Variants in SIL1 observed in about 807,000 individuals in gnomAD.
SIL1 encodes nucleotide exchange factor SIL1.
In SIL1, 40 loss-of-function variants were observed where a neutral mutation model predicts 49.1. That is an observed-to-expected ratio of 0.81 (90% CI 0.63 to 1.06). The LOEUF (loss-of-function observed/expected upper bound fraction) is 1.06, where lower values mean the gene tolerates loss of function less well. Among genes scored for constraint, SIL1 ranks in the 50% least tolerant of loss-of-function variants. SIL1 has a pLI of 0.00. For missense variants in SIL1, 500 were observed against 572.6 expected (o/e 0.87, Z 1.29); for synonymous variants, 253 against 250.8 (o/e 1.01, Z -0.08).
intron 3 of SIL1, among the ~76,000 whole-genome samples, chr5:139,064,175 A>G (rs1166437882): frequency 2.6e-5 from 4 of 152,178 alleles, no homozygotes; most frequent in African/African-American, 9.7e-5. Flanking sequence ...AGTATCAGCT[A>G]CTACTGACTT....
intron 7 of SIL1, among the ~76,000 whole-genome samples, chr5:139,010,303 T>G (rs1293387725): frequency 6.7e-6 from 1 of 149,688 alleles, no homozygotes; most frequent in Non-Finnish European, 1.5e-5. Flanking sequence ...AGCCTTGGTT[T>G]TCAGCTCCAT....
At chr5:138,998,852 C>CTTTTTTTTTTTTTTTTTTTTTTT (rs35074969) in intron 7 of SIL1, among the ~76,000 whole-genome samples, 1 of 98,806 alleles carries the variant, frequency 1.0e-5, no homozygotes, top group Non-Finnish European at 1.9e-5. Flanking sequence ...ATTATCTTTC[C>CTTTTTTTTTTTTTTTTTTTTTTT]TTTTTTTTTT....
chr5:139,150,706 T>C (rs758784469), intron 1 of SIL1, among the ~76,000 whole-genome samples: 1 of 152,186 alleles, frequency 6.6e-6, no homozygotes, highest in Non-Finnish European at 1.5e-5. Flanking sequence ...CTTCTTCGGT[T>C]GAAGAGAGGC....
At chr5:139,067,965 T>C (rs573670685) in intron 3 of SIL1, among the ~76,000 whole-genome samples, 16 of 152,354 alleles carry the variant, frequency 1.1e-4, no homozygotes, top group African/African-American at 3.6e-4. Flanking sequence ...AGTAGGGGAT[T>C]TGTTACACAA....
At chr5:139,020,171 G>A (rs1486375644) in intron 7 of SIL1, among the ~76,000 whole-genome samples, 1 of 152,198 alleles carries the variant, frequency 6.6e-6, no homozygotes, top group Non-Finnish European at 1.5e-5. Context: ...TCCAGGCAGA[G>A]TGGTGATAAC....
chr5:138,952,018 C>T (rs1452956405), intron 7 of SIL1, 134 bp from the exon 8 acceptor site: 1 of 806,930 alleles, frequency 1.2e-6, no homozygotes, highest in Non-Finnish European at 2.1e-6. Context: ...GCAAGTCAAA[C>T]TCAGCTGGGG....
chr5:139,071,494 T>A (rs931845816), intron 3 of SIL1, among the ~76,000 whole-genome samples: 2 of 152,124 alleles, frequency 1.3e-5, no homozygotes, highest in Non-Finnish European at 1.5e-5. Context: ...AAGCTACATA[T>A]TTTGTATAAT....
chr5:138,980,239 A>G (rs1182790338), intron 7 of SIL1, among the ~76,000 whole-genome samples: 1 of 151,820 alleles, frequency 6.6e-6, no homozygotes, highest in Non-Finnish European at 1.5e-5. Context: ...TGCCAAGAAC[A>G]ATGAAATAAG....
intron 1 of SIL1, among the ~76,000 whole-genome samples, chr5:139,155,681 C>T (rs765382454): frequency 1.3e-5 from 2 of 152,040 alleles, no homozygotes; most frequent in Non-Finnish European, 2.9e-5. Context: ...AGACCTGTTC[C>T]CCCAAAGACC....
intron 1 of SIL1, chr5:139,137,462 C>A: frequency 1.7e-6 from 1 of 603,198 alleles, no homozygotes; most frequent in Non-Finnish European, 3.0e-6. Flanking sequence ...CTGGACTCAT[C>A]ATTTTATTTG....
At chr5:138,983,473 A>G (rs1767578663) in intron 7 of SIL1, among the ~76,000 whole-genome samples, 1 of 151,116 alleles carries the variant, frequency 6.6e-6, no homozygotes. Context: ...GCGCCACTGC[A>G]CTCCAGCCTG....
intron 3 of SIL1, among the ~76,000 whole-genome samples, chr5:139,086,598 C>A (rs1056371234): frequency 1.3e-5 from 2 of 151,076 alleles, no homozygotes; most frequent in Non-Finnish European, 2.9e-5. Flanking sequence ...CTCAAGTGAT[C>A]CCCCTGCCTC....
At chr5:138,968,588 A>G (rs1472367259) in intron 7 of SIL1, among the ~76,000 whole-genome samples, 1 of 152,086 alleles carries the variant, frequency 6.6e-6, no homozygotes, top group Non-Finnish European at 1.5e-5. Flanking sequence ...GGCCCCTGCT[A>G]TGCATTCCTG....
At position 139,113,733 on chromosome 5, in the gene SIL1, G is replaced by A. The variant is rs76200464; in HGVS notation, c.244+7302C>T. ...CTTAACCGTGGAGATGCCCTGGGCT[G>A]TCTTGGCCAGTGGGGTGAGGCCAAT... On this transcript the variant is annotated intron_variant, in intron 3 of 9. Coordinates refer to ENST00000394817, the MANE Select transcript of SIL1 (RefSeq NM_022464.5). Among the ~76,000 whole-genome samples the A allele has an allele frequency of 2.0e-3, 302 of 152,354 alleles. 1 individual carries two copies. Among genetic ancestry groups the A allele is most frequent in the Non-Finnish European group, 2.8e-3 (188 of 68,030 alleles).
rs928060227 is a variant in SIL1, at chr5:138,950,937, G to A, written c.1029+234C>T. ...TGCACACTTGGCCGTGACCATGGCT[G>A]GCAGGGCCACCTCCCACTCCTCATC... On this transcript the variant is annotated intron_variant, in intron 9 of 9. Transcript: ENST00000394817. Among the ~76,000 whole-genome samples the A allele has an allele frequency of 4.6e-5, 7 of 152,178 alleles. No individual in the cohort carries two copies. The East Asian group carries it at 1.3e-3, about 29-fold the overall frequency.
chr5:139,013,881 GCCT>G (rs1167310275), intron 7 of SIL1: 2 of 152,092 alleles, frequency 1.3e-5, no homozygotes, highest in African/African-American at 2.4e-5. Flanking sequence ...AAATTTTAAA[GCCT>G]CCTTGCTCTT....
intron 1 of SIL1, among the ~76,000 whole-genome samples, chr5:139,175,491 A>C (rs1751862499): frequency 1.3e-5 from 2 of 152,238 alleles, no homozygotes; most frequent in Admixed American, 6.5e-5. Context: ...CTGAACCAGT[A>C]ATCAAAAATC....
intron 3 of SIL1, among the ~76,000 whole-genome samples, chr5:139,056,507 A>G (rs1474048480): frequency 1.4e-5 from 2 of 144,324 alleles, no homozygotes; most frequent in Non-Finnish European, 3.0e-5. Context: ...GGTGGGGGTC[A>G]GCCCCCCGCC....
intron 1 of SIL1, among the ~76,000 whole-genome samples, chr5:139,184,802 G>A (rs904623237): frequency 1.3e-5 from 2 of 152,178 alleles, no homozygotes; most frequent in African/African-American, 4.8e-5. Flanking sequence ...ACCCCTGCAT[G>A]AGAAACCCTA....
Sources: allele counts gnomAD v4.1 joint callset (sites outside exome capture counted in the v4.1 genomes callset), GRCh38; gene constraint gnomAD v4.1.1; transcripts MANE v1.5; gene names NCBI Gene and HGNC (gene_info 2026-07-23, HGNC 2026-07-21).